Variants in LUZP4 observed in about 807,000 individuals in gnomAD.
LUZP4 encodes the protein leucine zipper protein 4.
In LUZP4, 11 loss-of-function variants were observed where a neutral mutation model predicts 8.5. The observed-to-expected ratio is 1.30, with a 90% CI of 0.82 to 2.14. The LOEUF (loss-of-function observed/expected upper bound fraction) is 2.14. LUZP4 is among the 30% of genes most tolerant of loss of function. The pLI is 0.00. For synonymous variants in LUZP4, 104 were observed against 79.4 expected, an observed-to-expected ratio of 1.31 and a Z score of -1.65; for missense variants, 276 against 229.7, an observed-to-expected ratio of 1.20 and a Z score of -1.30.
intron 1 of LUZP4, among the ~76,000 whole-genome samples, chrX:115,290,148 A>C (rs1486562041): frequency 9.0e-6 from 1 of 111,249 alleles, no homozygotes; most frequent in Non-Finnish European, 1.9e-5. Context: ...GGGCAGGCGG[A>C]GAAAATAGAC....
chrX:115,294,520 G>T (rs1343413006), intron 1 of LUZP4, among the ~76,000 whole-genome samples: 1 of 111,784 alleles, frequency 8.9e-6, no homozygotes, highest in Admixed American at 9.5e-5. Flanking sequence ...TCACGTTTGG[G>T]TAGCCAGCAA....
chrX:115,303,072 G>A (rs782746077), intron 2 of LUZP4, among the ~76,000 whole-genome samples: 10 of 111,295 alleles, frequency 9.0e-5, no homozygotes, highest in Admixed American at 2.9e-4. Flanking sequence ...CAAAATTGAC[G>A]TATTATATAC....
chrX:115,292,030 C>G (rs1556596998), intron 1 of LUZP4, among the ~76,000 whole-genome samples: 1 of 112,421 alleles, frequency 8.9e-6, no homozygotes, highest in Non-Finnish European at 1.9e-5. Flanking sequence ...AAGTGATACA[C>G]CCACCTCGGC....
rs1287230711 is a variant in LUZP4, at chrX:115,294,589, T to C, written c.91+4739T>C. 2.7e-5 allele frequency among the ~76,000 whole-genome samples: 3 copies of C among 111,908 alleles called. No homozygotes were observed. The East Asian group carries it at 8.4e-4, about 31-fold the overall frequency. ...GGATTTTGTTATCAAACTTCATAGA[T>C]ACAGTAGACATGAAAGAGATTAAAA... On this transcript the variant is annotated intron_variant, in intron 1 of 3. Coordinates refer to ENST00000371920, the MANE Select transcript of LUZP4 (RefSeq NM_016383.5).
At position 115,306,867 on chromosome X, in the gene LUZP4, T is replaced by G. The variant is rs1463219772; in HGVS notation, c.*63T>G. The G allele has an allele frequency of 1.0e-6, 1 of 1,004,934 alleles. No homozygotes were observed. Among genetic ancestry groups the G allele is most frequent in the East Asian group, 3.1e-5 (1 of 32,709 alleles). 82.8% of individuals were successfully genotyped at this position (1,004,934 alleles called of 1,213,427 possible). A position where few individuals can be genotyped will look rare whatever the true frequency, so the allele number is the denominator to read the frequency against. On this transcript the variant is annotated 3_prime_UTR_variant, in exon 4 of 4. Coordinates refer to ENST00000371920, the MANE Select transcript of LUZP4 (RefSeq NM_016383.5). ...AAGCATATATCTATATTCTAATGGC[T>G]AAATATGTATTTGTTGAAACATGTA...
chrX:115,295,483 C>CT (rs1395113826), intron 1 of LUZP4, among the ~76,000 whole-genome samples: 4 of 110,915 alleles, frequency 3.6e-5, no homozygotes, highest in Middle Eastern at 4.8e-3. Flanking sequence ...GATAAATTTC[C>CT]CCATGTTTTT....
intron 2 of LUZP4, 114 bp downstream of exon 2, chrX:115,302,237 T>C (rs907139123): frequency 3.5e-5 from 25 of 708,200 alleles, no homozygotes; most frequent in Non-Finnish European, 4.7e-5. Flanking sequence ...ATTATGTTGC[T>C]TGTTTTATTT....
In LUZP4 at chrX:115,306,784, A is replaced by G; in HGVS notation, c.922A>G (p.Lys308Glu). Reference protein sequence around the residue: ...SERHQRYSTGKNTITT With the variant: ...SERHQRYSTGENTITT ...AAGACATCAGAGATACTCAACAGGT[A>G]AAAATACAATAACTACTTAATCATC... The change falls in exon 4 of 4, where the codon AAA becomes GAA. Residue 308 changes from lysine (K) to glutamate (E), a missense_variant. Transcript: ENST00000371920. 8.3e-7 allele frequency: 1 copy of G among 1,205,707 alleles called. No individual in the cohort carries two copies. The highest frequency in any genetic ancestry group is 1.1e-6 in the Non-Finnish European group (1 of 889,896).
At chrX:115,293,537 C>G (rs1341046791) in intron 1 of LUZP4, among the ~76,000 whole-genome samples, 1 of 111,335 alleles carries the variant, frequency 9.0e-6, no homozygotes, top group East Asian at 2.8e-4. Flanking sequence ...CTTGACCTCC[C>G]AAAGTGCTAG....
At chrX:115,303,564 A>G (rs1352344734) in intron 3 of LUZP4, 146 bp downstream of exon 3, 2 of 272,005 alleles carry the variant, frequency 7.4e-6, no homozygotes, top group Non-Finnish European at 1.3e-5. Context: ...TTTAAATTCA[A>G]TGTTTATTAG....
At chrX:115,303,134 T>C (rs1029691433) in intron 2 of LUZP4, among the ~76,000 whole-genome samples, 166 bp from the exon 3 acceptor site, 1 of 111,573 alleles carries the variant, frequency 9.0e-6, no homozygotes, top group Non-Finnish European at 1.9e-5. Context: ...TGGCAAAGAC[T>C]GTTCTAGAAT....
chrX:115,304,020 T>A (rs1290168532), intron 3 of LUZP4, among the ~76,000 whole-genome samples: 1 of 112,696 alleles, frequency 8.9e-6, no homozygotes, highest in Non-Finnish European at 1.9e-5. Flanking sequence ...AAATGGCAGT[T>A]CTGGGAGCTT....
In LUZP4 at chrX:115,301,825, G is replaced by A. The variant is rs1277629485; in HGVS notation, c.92-167G>A. Among the ~76,000 whole-genome samples the A allele has an allele frequency of 6.2e-5, 7 of 112,042 alleles. No homozygotes were observed. The East Asian group carries it at 2.0e-3, about 31-fold the overall frequency. On this transcript the variant is annotated intron_variant, in intron 1 of 3. Coordinates refer to ENST00000371920, the MANE Select transcript of LUZP4 (RefSeq NM_016383.5). ...CCAGCAAACCTAAGATGTCGGTACTGTTTGACCTTTGTTAGAGTTTAACAA... is the reference window on the plus strand; with the variant it reads ...CCAGCAAACCTAAGATGTCGGTACTATTTGACCTTTGTTAGAGTTTAACAA...
rs2073427969 is a variant in LUZP4 at position 115,307,229 on chromosome X, C to G, written c.*425C>G. On this transcript the variant is annotated 3_prime_UTR_variant, in exon 4 of 4. Coordinates refer to ENST00000371920, the MANE Select transcript of LUZP4 (RefSeq NM_016383.5). ...ATATATAATCTATGATAATGAATAT[C>G]TCTTTTGTGTCTCCTTCCTAAGCCA... 1 of 143,812 alleles carries G rather than the reference C, an allele frequency of 7.0e-6. No individual in the cohort carries two copies. The highest frequency in any genetic ancestry group is 7.4e-5 in the Admixed American group (1 of 13,582). 11.9% of individuals were successfully genotyped at this position (143,812 alleles called of 1,213,427 possible).
chrX:115,306,958 CTTGATGTCCTCT>C lies in LUZP4; in HGVS notation c.*155_*166del. The C allele has an allele frequency of 1.9e-6, 1 of 534,613 alleles. No individual in the cohort carries two copies. The highest frequency in any genetic ancestry group is 3.0e-6 in the Non-Finnish European group (1 of 333,977). 44.1% of individuals were successfully genotyped at this position (534,613 alleles called of 1,213,427 possible). On this transcript the variant is annotated 3_prime_UTR_variant, in exon 4 of 4. Transcript: ENST00000371920. ...ATACATAGTATCAATATTGTTTCAA[CTTGATGTCCTCT>C]AAGCTATCATCCAGTTACCCAGGAT...
At position 115,289,957 on chromosome X, in the gene LUZP4, G is replaced by C. The variant is rs781795775; in HGVS notation, c.91+107G>C. On this transcript the variant is annotated intron_variant, in intron 1 of 3. Transcript: ENST00000371920. Reference sequence around the variant, plus strand: ...AAGTGGCGTCGGGAGGAACACACCAGTTCGAGGAGAGGCTTCCCCTTCAGG... The same window carrying C: ...AAGTGGCGTCGGGAGGAACACACCACTTCGAGGAGAGGCTTCCCCTTCAGG... 3.5e-5 allele frequency: 18 copies of C among 518,593 alleles called. No homozygotes were observed. In the African/African-American group the frequency reaches 3.8e-4, roughly 11 times the overall value. 42.7% of individuals were successfully genotyped at this position (518,593 alleles called of 1,213,427 possible).
intron 1 of LUZP4, among the ~76,000 whole-genome samples, chrX:115,293,808 G>A (rs918270215): frequency 9.2e-6 from 1 of 109,109 alleles, no homozygotes; most frequent in African/African-American, 3.3e-5. Flanking sequence ...AAAATTAGCC[G>A]GGCGTGGAGG....
intron 1 of LUZP4, among the ~76,000 whole-genome samples, chrX:115,293,748 C>T (rs782512392): frequency 3.6e-5 from 4 of 109,884 alleles, no homozygotes; most frequent in African/African-American, 9.9e-5. Flanking sequence ...GTCAGGAGTT[C>T]GAGACCAGCC....
At chrX:115,296,320 G>A (rs1292173228) in intron 1 of LUZP4, among the ~76,000 whole-genome samples, 1 of 111,540 alleles carries the variant, frequency 9.0e-6, no homozygotes, top group Non-Finnish European at 1.9e-5. Context: ...CTTCAGTCCT[G>A]ACAGTTTATT....
Sources: gnomAD v4.1 joint callset for allele counts (sites outside exome capture counted in the v4.1 genomes callset) on GRCh38, gnomAD v4.1.1 for gene constraint, MANE v1.5 for transcripts, NCBI Gene and HGNC (gene_info 2026-07-23, HGNC 2026-07-21) for gene names.